Variants in BST1 observed in about 807,000 individuals in gnomAD.
BST1 encodes ADP-ribosyl cyclase/cyclic ADP-ribose hydrolase 2.
Under a neutral mutation model 40.6 loss-of-function variants are expected in BST1, and 49 were observed. The ratio of observed to expected loss-of-function variants is 1.21; its 90% CI spans 0.96 to 1.53. BST1 has a LOEUF of 1.53. Among genes scored for constraint, BST1 ranks in the 40% most tolerant of loss-of-function variants. The pLI is 0.00. For missense variants in BST1, 423 were observed against 395.9 expected (o/e 1.07, Z -0.58); for synonymous variants, 157 against 159.3 (o/e 0.99, Z 0.11).
intron 7 of BST1, among the ~76,000 whole-genome samples, chr4:15,720,525 G>A (rs1191311111): frequency 1.3e-5 from 2 of 151,394 alleles, no homozygotes; most frequent in Non-Finnish European, 2.9e-5. Context: ...GCTGAGGCAG[G>A]AGAATCACTT....
At chr4:15,755,256 G>A in the BST1 span, among the ~76,000 whole-genome samples, 26 of 151,864 alleles carry the variant, frequency 1.7e-4, no homozygotes, top group Middle Eastern at 3.4e-3. Context: ...CTCCTGCCTC[G>A]GCCTCTTCAG....
chr4:15,734,363 TG>T (rs1165320452), downstream of BST1, among the ~76,000 whole-genome samples: 1 of 152,148 alleles, frequency 6.6e-6, no homozygotes, highest in African/African-American at 2.4e-5. Context: ...CAAAAAGAAA[TG>T]TTTTCAAAGA....
chr4:15,732,118 G>T lies in BST1; in HGVS notation c.*273G>T, dbSNP rs1721399916. 1 of 1,171,500 alleles carries T rather than the reference G, an allele frequency of 8.5e-7. No individual in the cohort carries two copies. Among genetic ancestry groups the T allele is most frequent in the Non-Finnish European group, 1.1e-6 (1 of 946,726 alleles). 72.6% of individuals were successfully genotyped at this position (1,171,500 alleles called of 1,614,324 possible). On this transcript the variant is annotated 3_prime_UTR_variant, in exon 9 of 9. Transcript: ENST00000265016. ...GACACAAAGCATTGGGAGTCAGACT[G>T]CTTGTATATTATCAAACATTTTAAG...
At chr4:15,704,173 G>T (rs948902158) in intron 1 of BST1, among the ~76,000 whole-genome samples, 1 of 144,916 alleles carries the variant, frequency 6.9e-6, no homozygotes, top group African/African-American at 2.6e-5. Context: ...GTGGTCTAGA[G>T]GTGAGGGGTG....
chr4:15,730,914 CTT>C (rs61278613), intron 8 of BST1: 1,235 of 219,968 alleles, frequency 5.6e-3, no homozygotes, highest in East Asian at 0.023. Context: ...GCACAATTTG[CTT>C]TTTTTTTTTT....
intron 6 of BST1, among the ~76,000 whole-genome samples, chr4:15,717,302 C>A (rs1312738670): frequency 6.6e-6 from 1 of 152,174 alleles, no homozygotes; most frequent in East Asian, 1.9e-4. Flanking sequence ...TTTCCAATTG[C>A]TCATTTCCTC....
chr4:15,716,385 A>G (rs967724741), intron 6 of BST1, among the ~76,000 whole-genome samples: 8 of 152,230 alleles, frequency 5.3e-5, no homozygotes, highest in African/African-American at 1.9e-4. Flanking sequence ...AGACAAGCCA[A>G]CAAGGCCACA....
At chr4:15,767,286 G>A in the BST1 span, among the ~76,000 whole-genome samples, 5 of 151,998 alleles carry the variant, frequency 3.3e-5, no homozygotes, top group Non-Finnish European at 5.9e-5. Flanking sequence ...TGGCTGCACA[G>A]TTTGAAATAC....
At chr4:15,756,024 C>T in the BST1 span, among the ~76,000 whole-genome samples, 1 of 152,100 alleles carries the variant, frequency 6.6e-6, no homozygotes, top group Non-Finnish European at 1.5e-5. Context: ...CCAGTCTCTG[C>T]AACATAAACA....
At chr4:15,737,652 C>T, downstream of BST1, 1 of 470,926 alleles carries the variant, frequency 2.1e-6, no homozygotes, top group Non-Finnish European at 3.9e-6. Context: ...GACCCCTGAG[C>T]ACAAGGACTG....
chr4:15,737,531 C>T (rs1414576600), downstream of BST1, among the ~76,000 whole-genome samples: 1 of 152,206 alleles, frequency 6.6e-6, no homozygotes, highest in Non-Finnish European at 1.5e-5. Context: ...CTTCAACAAA[C>T]AGGTCCCAGC....
rs576288427 is a variant in BST1, at chr4:15,731,234, C to T, written c.852-506C>T. On this transcript the variant is annotated intron_variant, in intron 8 of 8. Transcript: ENST00000265016. ...TGTGTGAGCAGGGAGGGGCAATTTC[C>T]TGCCTTATTTAGGACTGGGCCGAGG... The T allele has an allele frequency of 1.0e-3, 480 of 464,658 alleles. 6 individuals are homozygous for T. Among genetic ancestry groups the T allele is most frequent in the African/African-American group, 8.8e-3 (437 of 49,874 alleles). 28.8% of individuals were successfully genotyped at this position (464,658 alleles called of 1,614,324 possible).
At chr4:15,715,416 T>C (rs915101258) in intron 5 of BST1, 55 bp downstream of exon 5, 1 of 1,536,654 alleles carries the variant, frequency 6.5e-7, no homozygotes, top group African/African-American at 1.4e-5. Flanking sequence ...ATTTATTTAA[T>C]TGTTTTAAAT....
At chr4:15,757,503 A>C in the BST1 span, among the ~76,000 whole-genome samples, 62 of 149,968 alleles carry the variant, frequency 4.1e-4, 2 homozygotes, top group African/African-American at 1.5e-3. Flanking sequence ...GCACACCCCC[A>C]CCCCGCCCCG....
In BST1 at chr4:15,703,143, C is replaced by T. The variant is rs776038352; in HGVS notation, c.-2C>T. 1.6e-5 allele frequency: 25 copies of T among 1,579,248 alleles called. No individual in the cohort carries two copies. The highest frequency in any genetic ancestry group is 2.1e-5 in the Non-Finnish European group (25 of 1,165,188). ...CGGGACTGGAGGGACCAAAGTTCCC[C>T]GATGGCGGCCCAGGGGTGCGCGGCA... On this transcript the variant is annotated 5_prime_UTR_variant, in exon 1 of 9. Transcript: ENST00000265016.
At chr4:15,737,517 G>A (rs527388580), downstream of BST1, among the ~76,000 whole-genome samples, 6 of 152,348 alleles carry the variant, frequency 3.9e-5, no homozygotes, top group South Asian at 1.0e-3. Context: ...CCAGCCTCGT[G>A]TGTCTTCAAC....
intron 4 of BST1, among the ~76,000 whole-genome samples, chr4:15,714,761 C>T (rs1251126411): frequency 1.3e-5 from 2 of 152,222 alleles, no homozygotes; most frequent in Non-Finnish European, 2.9e-5. Flanking sequence ...TTACACGTGA[C>T]TTACACTGGC....
intron 8 of BST1, 105 bp downstream of exon 8, chr4:15,723,039 T>C (rs1720901633): frequency 9.7e-7 from 1 of 1,031,168 alleles, no homozygotes; most frequent in Non-Finnish European, 1.5e-6. Context: ...CAGATGTAAG[T>C]GTGCTCATTG....
the BST1 span, among the ~76,000 whole-genome samples, chr4:15,744,062 T>A: frequency 1.3e-5 from 2 of 152,206 alleles, no homozygotes; most frequent in African/African-American, 4.8e-5. Flanking sequence ...TTTCTGGACA[T>A]TTGACTAATC....
Sources: allele counts gnomAD v4.1 joint callset (sites outside exome capture counted in the v4.1 genomes callset), GRCh38; gene constraint gnomAD v4.1.1; transcripts MANE v1.5; gene names NCBI Gene and HGNC (gene_info 2026-07-23, HGNC 2026-07-21).